PATJ: variants seen among roughly 807,000 people sequenced by gnomAD.
PATJ encodes inaD-like protein.
In PATJ, 190 loss-of-function variants were observed where a neutral mutation model predicts 224.9. That is an observed-to-expected ratio of 0.84 (90% confidence interval 0.75 to 0.95). PATJ has a LOEUF of 0.95. PATJ is among the 40% of genes least tolerant of loss of function. The pLI is 0.00. For missense variants in PATJ, 2,121 were observed against 2,270.3 expected (o/e 0.93, Z 1.34); for synonymous variants, 769 against 820.3 (o/e 0.94, Z 1.07).
chr1:62,149,804 ATTT>A (rs10557763), intron 42 of PATJ, among the ~76,000 whole-genome samples: 5 of 146,812 alleles, frequency 3.4e-5, no homozygotes, highest in Admixed American at 6.8e-5. Flanking sequence ...TAACACTGGG[ATTT>A]TTTTTTTTTT....
intron 24 of PATJ, among the ~76,000 whole-genome samples, chr1:61,903,947 A>AT (rs1172511999): frequency 6.6e-6 from 1 of 151,744 alleles, no homozygotes; most frequent in Non-Finnish European, 1.5e-5. Context: ...TAATTTTTGA[A>AT]TTTTTTGGTG....
rs66470863 is a variant in PATJ, at chr1:61,777,703, C to CTTTTTTTTTT, written c.849+2384_849+2393dup. 3.5e-3 allele frequency among the ~76,000 whole-genome samples: 169 copies of CTTTTTTTTTT among 48,690 alleles called. 8 individuals are homozygous for CTTTTTTTTTT. The highest frequency in any genetic ancestry group is 4.9e-3 in the African/African-American group (46 of 9,376). 31.9% of individuals were successfully genotyped at this position (48,690 alleles called of 152,430 possible). ...TTCTTCCTTTTTTCTTTCTTTCTTT[C>CTTTTTTTTTT]TTTTTTTTTTTTTTTTTTTTTTTTA... On this transcript the variant is annotated intron_variant, in intron 7 of 43. Coordinates refer to ENST00000642238, the MANE Select transcript of PATJ (RefSeq NM_001350145.3).
chr1:62,051,014 G>A lies in PATJ; in HGVS notation c.4081G>A (p.Glu1361Lys), dbSNP rs570517908. The A allele has an allele frequency of 7.4e-6, 12 of 1,613,998 alleles. No homozygotes were observed. The highest frequency in any genetic ancestry group is 4.4e-5 in the South Asian group (4 of 91,082). ...PISSEEDGSVEVGIKQLPESE... is the reference protein window; with the variant it reads ...PISSEEDGSVKVGIKQLPESE... ...TAGTAGTGAGGAAGATGGCAGCGTC[G>A]AAGTTGGTATTAAACAATTGCCTGA... is the stretch of plus-strand genomic sequence containing the variant. The change falls in exon 31 of 44, where the codon GAA becomes AAA. Residue 1361 changes from glutamate (E) to lysine (K), a missense_variant. Coordinates refer to ENST00000642238, the MANE Select transcript of PATJ (RefSeq NM_001350145.3).
intron 31 of PATJ, among the ~76,000 whole-genome samples, chr1:62,059,553 G>A (rs904115005): frequency 6.6e-6 from 1 of 151,738 alleles, no homozygotes; most frequent in African/African-American, 2.4e-5. Flanking sequence ...GGAGACGGAG[G>A]TTGCAATGAG....
intron 7 of PATJ, among the ~76,000 whole-genome samples, chr1:61,776,960 C>T (rs1012366744): frequency 6.6e-6 from 1 of 152,098 alleles, no homozygotes; most frequent in Non-Finnish European, 1.5e-5. Context: ...CTCCTGACCT[C>T]GTGATCCGCC....
In PATJ at chr1:62,152,665, A is replaced by AT. The variant is rs1553283346; in HGVS notation, c.5379-693_5379-692insT. ...GACTCTGTCTCAAAAGAAAAAAAAA[A>AT]GGTAAAAGAAAAGGAGCAGCAGTTT... is the stretch of plus-strand genomic sequence containing the variant. On this transcript the variant is annotated intron_variant, in intron 42 of 43. Transcript: ENST00000642238. 2.6e-5 allele frequency among the ~76,000 whole-genome samples: 4 copies of AT among 151,860 alleles called. No individual in the cohort carries two copies. In the East Asian group the frequency reaches 7.7e-4, roughly 29 times the overall value.
intron 31 of PATJ, among the ~76,000 whole-genome samples, chr1:62,069,569 C>T (rs1043234486): frequency 5.3e-5 from 8 of 152,108 alleles, no homozygotes; most frequent in African/African-American, 1.2e-4. Context: ...TGAGACAGTG[C>T]GTCAGACCAG....
intron 21 of PATJ, among the ~76,000 whole-genome samples, chr1:61,880,968 C>A (rs1278694748): frequency 6.6e-6 from 1 of 152,128 alleles, no homozygotes; most frequent in Admixed American, 6.5e-5. Flanking sequence ...GTGGCACACA[C>A]CTGTAATCTC....
intron 39 of PATJ, among the ~76,000 whole-genome samples, chr1:62,124,321 G>A (rs187536203): frequency 2.6e-5 from 4 of 151,978 alleles, no homozygotes; most frequent in Admixed American, 6.6e-5. Context: ...GCCCTCAATC[G>A]ATCCGACCAC....
In PATJ at chr1:62,114,175, C is replaced by T; in HGVS notation, c.4584C>T (p.Asn1528=). Residue 1528 remains asparagine (N), a synonymous_variant, in exon 35 of 44, where the codon AAC becomes AAT. Coordinates refer to ENST00000642238, the MANE Select transcript of PATJ (RefSeq NM_001350145.3). ...AGGCACACTACCGGGATGAGGAGAA[C>T]TTGGAGATTTTCCCTGTGGATCTGC... ...RDEAHYRDEE[N]LEIFPVDLQK... 1 of 1,614,054 alleles carries T rather than the reference C, an allele frequency of 6.2e-7. No individual in the cohort carries two copies. Among genetic ancestry groups the T allele is most frequent in the Non-Finnish European group, 8.5e-7 (1 of 1,179,996 alleles).
chr1:61,762,830 CTTTTATATTGTTAAAT>C lies in PATJ; in HGVS notation c.-35-23_-35-8del. The C allele has an allele frequency of 9.9e-7, 1 of 1,014,552 alleles. No individual in the cohort carries two copies. The highest frequency in any genetic ancestry group is 1.5e-6 in the Non-Finnish European group (1 of 681,112). 62.8% of individuals were successfully genotyped at this position (1,014,552 alleles called of 1,614,324 possible). The stretch of plus-strand genomic sequence containing the variant: ...GTAGCCATATACAATTGAAATTCAT[CTTTTATATTGTTAAAT>C]TTTTTCTTTAGGTGTCTTTAAGAGT... On this transcript the variant is annotated splice_polypyrimidine_tract_variant and intron_variant, in intron 1 of 43. Coordinates refer to ENST00000642238, the MANE Select transcript of PATJ (RefSeq NM_001350145.3).
intron 28 of PATJ, among the ~76,000 whole-genome samples, chr1:62,012,074 A>G (rs868461000): frequency 6.6e-6 from 1 of 152,016 alleles, no homozygotes; most frequent in Admixed American, 6.6e-5. Flanking sequence ...AAAGTCAACT[A>G]TTGGGCATTT....
At chr1:62,079,636 A>G (rs996695768) in intron 32 of PATJ, 69 bp downstream of exon 32, 5 of 995,500 alleles carry the variant, frequency 5.0e-6, no homozygotes, top group South Asian at 4.2e-5. Context: ...ATAATGTCCT[A>G]AAACGAGAAC....
intron 14 of PATJ, among the ~76,000 whole-genome samples, chr1:61,818,799 G>A (rs1412092672): frequency 6.6e-6 from 1 of 152,194 alleles, no homozygotes; most frequent in East Asian, 1.9e-4. Context: ...GGCACGAGAT[G>A]ACATGGGTGA....
chr1:61,795,195 T>G (rs1249566101), intron 9 of PATJ, among the ~76,000 whole-genome samples: 2 of 151,754 alleles, frequency 1.3e-5, no homozygotes, highest in Non-Finnish European at 2.9e-5. Flanking sequence ...TGGGCTCTCC[T>G]GAATTCCAGC....
chr1:61,791,748 ATAGAT>A (rs1225268938), intron 9 of PATJ, among the ~76,000 whole-genome samples: 3 of 152,154 alleles, frequency 2.0e-5, no homozygotes, highest in African/African-American at 4.8e-5. Flanking sequence ...ACATATTATG[ATAGAT>A]TAGATTTGTG....
chr1:62,040,500 G>A (rs1287006321), intron 30 of PATJ, among the ~76,000 whole-genome samples: 3 of 152,114 alleles, frequency 2.0e-5, no homozygotes, highest in Non-Finnish European at 2.9e-5. Context: ...GGAGTACTTG[G>A]TTACACTTGG....
intron 30 of PATJ, among the ~76,000 whole-genome samples, chr1:62,042,660 A>ATT (rs1651743455): frequency 1.3e-5 from 2 of 151,102 alleles, no homozygotes; most frequent in African/African-American, 4.9e-5. Flanking sequence ...ATTTTTTTAA[A>ATT]AAAAAAGACA....
chr1:62,115,629 G>A (rs1274514914), intron 35 of PATJ, among the ~76,000 whole-genome samples: 1 of 147,448 alleles, frequency 6.8e-6, no homozygotes, highest in Admixed American at 7.0e-5. Context: ...TATCTAGTAT[G>A]TATTTATCCC....
Sources: gnomAD v4.1 joint callset for allele counts (sites outside exome capture counted in the v4.1 genomes callset) on GRCh38, gnomAD v4.1.1 for gene constraint, MANE v1.5 for transcripts, NCBI Gene and HGNC (gene_info 2026-07-23, HGNC 2026-07-21) for gene names.